Variants in UBXN6 observed in about 807,000 individuals in gnomAD.
The protein encoded by UBXN6 is UBX domain protein 6, also known as UBX domain-containing protein 6.
Under a neutral mutation model 51.4 loss-of-function variants are expected in UBXN6, and 44 were observed. The ratio of observed to expected loss-of-function variants is 0.86; its 90% CI spans 0.67 to 1.10. The LOEUF (loss-of-function observed/expected upper bound fraction) is 1.10, where lower values mean the gene tolerates loss of function less well. UBXN6 is among the 50% of genes least tolerant of loss of function. The pLI, the probability that UBXN6 is intolerant of heterozygous loss-of-function variation, is 0.00. For missense variants in UBXN6, 672 were observed against 596.1 expected (o/e 1.13, Z -1.32); for synonymous variants, 316 against 263.2 (o/e 1.20, Z -1.94).
At chr19:4,454,448 G>C (rs1031912804) in intron 1 of UBXN6, among the ~76,000 whole-genome samples, 2 of 152,130 alleles carry the variant, frequency 1.3e-5, no homozygotes, top group East Asian at 3.9e-4. Flanking sequence ...TTTGAGACAG[G>C]GTCTTGCTCT....
upstream of UBXN6, chr19:4,457,795 TAAAAAAAAAAAAAAA>T (rs397859534): frequency 3.6e-5 from 1 of 27,842 alleles, no homozygotes; most frequent in African/African-American, 2.9e-4. Flanking sequence ...GGAAGAAAAT[TAAAAAAAAAAAAAAA>T]AAAAAAAAAA....
At chr19:4,449,827 A>G (rs189812028) in intron 4 of UBXN6, 1 of 151,682 alleles carries the variant, frequency 6.6e-6, no homozygotes, top group Admixed American at 6.6e-5. Flanking sequence ...CCAAGATCTA[A>G]AAAAAAAATT....
intron 2 of UBXN6, 135 bp downstream of exon 2, chr19:4,453,795 C>G: frequency 7.4e-7 from 1 of 1,347,926 alleles, no homozygotes; most frequent in Non-Finnish European, 1.0e-6. Context: ...CCAGCACCTG[C>G]CCTTGATGAG....
intron 1 of UBXN6, among the ~76,000 whole-genome samples, chr19:4,456,506 C>T (rs896322789): frequency 6.6e-6 from 1 of 151,980 alleles, no homozygotes; most frequent in African/African-American, 2.4e-5. Flanking sequence ...CAGTCCCTCT[C>T]CATCAGTCCC....
intron 1 of UBXN6, among the ~76,000 whole-genome samples, chr19:4,457,377 C>T (rs1206668860): frequency 7.7e-6 from 1 of 129,538 alleles, no homozygotes; most frequent in Admixed American, 7.6e-5. Context: ...TCCCCCGCCG[C>T]GCCCCCGGGT....
At chr19:4,452,692 T>C (rs1974675433) in intron 3 of UBXN6, among the ~76,000 whole-genome samples, 200 bp from the exon 4 acceptor site, 1 of 152,180 alleles carries the variant, frequency 6.6e-6, no homozygotes, top group Non-Finnish European at 1.5e-5. Flanking sequence ...CAAATGTCCC[T>C]GTGGGGCCTG....
chr19:4,447,450 C>A, intron 6 of UBXN6, 100 bp downstream of exon 6: 1 of 1,353,048 alleles, frequency 7.4e-7, no homozygotes, highest in South Asian at 1.2e-5. Context: ...TCGCTAGCTC[C>A]TCCAGGGAGC....
intron 4 of UBXN6, among the ~76,000 whole-genome samples, chr19:4,452,124 G>C (rs976778939): frequency 6.6e-6 from 1 of 151,274 alleles, no homozygotes; most frequent in African/African-American, 2.4e-5. Flanking sequence ...ACTCCAGCCT[G>C]GGTGTCAGAG....
chr19:4,455,493 T>A (rs940963744), intron 1 of UBXN6: 1 of 165,490 alleles, frequency 6.0e-6, no homozygotes, highest in African/African-American at 2.4e-5. Context: ...CCATGGACCC[T>A]GCCCCCCTGG....
At position 4,457,744 on chromosome 19, in the gene UBXN6, C is replaced by T. The variant is rs559236008; in HGVS notation, c.-47G>A. The T allele has an allele frequency of 1.3e-4, 152 of 1,202,478 alleles. No homozygotes were observed. The highest frequency in any genetic ancestry group is 2.4e-4 in the African/African-American group (14 of 58,232). 74.5% of individuals were successfully genotyped at this position (1,202,478 alleles called of 1,614,324 possible). ...GGGGGGCCGCGGGGGCGGGGGGGCA[C>T]GGGGCCCAGTCGGGGACGGGGCCGC... On this transcript the variant is annotated 5_prime_UTR_variant, in exon 1 of 11. The change creates a new upstream start codon in the 5' untranslated region. Transcript: ENST00000301281.
rs757835676 is a variant in UBXN6 at position 4,446,665 on chromosome 19, C to T, written c.755G>A (p.Ser252Asn). 11 of 1,612,042 alleles carry T rather than the reference C, an allele frequency of 6.8e-6. No homozygotes were observed. The highest frequency in any genetic ancestry group is 1.3e-5 in the African/African-American group (1 of 74,936). The change falls in exon 8 of 11, where the codon AGC becomes AAC. Residue 252 changes from serine (S) to asparagine (N), a missense_variant. Transcript: ENST00000301281. ...CAGCTGTTCCTTGTGCCTCTCCAGGCTCTGGGGCTGGGCCAAGGTGGTCTC... is the reference window on the plus strand; with the variant it reads ...CAGCTGTTCCTTGTGCCTCTCCAGGTTCTGGGGCTGGGCCAAGGTGGTCTC... ...LSETTLAQPQ[S>N]LERHKEQLLA...
At chr19:4,448,256 A>G (rs904470368) in intron 5 of UBXN6, 62 bp downstream of exon 5, 24 of 1,442,228 alleles carry the variant, frequency 1.7e-5, no homozygotes, top group Non-Finnish European at 2.2e-5. Flanking sequence ...TGACAGCCCC[A>G]GTGGGAGGGG....
chr19:4,450,566 G>A (rs1974634450), intron 4 of UBXN6: 2 of 151,970 alleles, frequency 1.3e-5, no homozygotes, highest in African/African-American at 2.4e-5. Flanking sequence ...AGACCATCCT[G>A]GCTAACATGG....
intron 1 of UBXN6, 107 bp downstream of exon 1, chr19:4,457,507 TC>T: frequency 1.2e-6 from 1 of 840,060 alleles, no homozygotes; most frequent in Non-Finnish European, 1.5e-6. Flanking sequence ...CGCGTGCCGC[TC>T]CCAGCCCCTC....
At chr19:4,453,118 G>A (rs1271916397) in intron 3 of UBXN6, among the ~76,000 whole-genome samples, 9 of 152,208 alleles carry the variant, frequency 5.9e-5, no homozygotes, top group Non-Finnish European at 1.0e-4. Flanking sequence ...TGGTCCTGGG[G>A]TGTAGGAGAG....
rs539487043 is a variant in UBXN6 at position 4,446,016 on chromosome 19, G to A, written c.1200+33C>T. 81 of 1,576,652 alleles carry A rather than the reference G, an allele frequency of 5.1e-5. 1 individual carries two copies. Among genetic ancestry groups the A allele is most frequent in the East Asian group, 1.4e-4 (6 of 44,418 alleles). ...TCCCAGGAGAACCTGCAGAGGCATCGGGTCAGCGGTGCTCCTGCGGGCCGA... is the reference window on the plus strand; with the variant it reads ...TCCCAGGAGAACCTGCAGAGGCATCAGGTCAGCGGTGCTCCTGCGGGCCGA... On this transcript the variant is annotated intron_variant, in intron 10 of 10. Coordinates refer to ENST00000301281, the MANE Select transcript of UBXN6 (RefSeq NM_025241.3).
At chr19:4,451,757 C>T (rs1368692032) in intron 4 of UBXN6, among the ~76,000 whole-genome samples, 3 of 151,588 alleles carry the variant, frequency 2.0e-5, no homozygotes, top group Non-Finnish European at 4.4e-5. Context: ...CTTGCCTCAG[C>T]CTCCCGAGTA....
chr19:4,453,842 C>T (rs944842995), intron 2 of UBXN6, 88 bp downstream of exon 2: 1 of 1,539,506 alleles, frequency 6.5e-7, no homozygotes, highest in Non-Finnish European at 8.7e-7. Flanking sequence ...CCCACGGTTG[C>T]TCATGTGACT....
chr19:4,447,475 G>T, intron 6 of UBXN6, 75 bp downstream of exon 6: 1 of 1,540,270 alleles, frequency 6.5e-7, no homozygotes, highest in Non-Finnish European at 9.0e-7. Context: ...CGCCTGGTGT[G>T]GGCCACCACC....
Sources: gnomAD v4.1 joint callset for allele counts (sites outside exome capture counted in the v4.1 genomes callset) on GRCh38, gnomAD v4.1.1 for gene constraint, MANE v1.5 for transcripts, NCBI Gene and HGNC (gene_info 2026-07-23, HGNC 2026-07-21) for gene names.